DOP1B: variants seen among roughly 807,000 people sequenced by gnomAD.
DOP1B encodes DOP1 leucine zipper like protein B, also known as protein DOP1B.
DOP1B carries 174 observed loss-of-function variants against 233.5 expected under a neutral mutation model. That is an observed-to-expected ratio of 0.75 (90% CI 0.66 to 0.85). The LOEUF is 0.85. DOP1B is among the 40% of genes least tolerant of loss of function. The probability of loss-of-function intolerance (pLI) is 0.00; values close to 1 mark genes in which losing one functional copy is unlikely to be tolerated. For missense variants in DOP1B, 2,652 were observed against 2,846.6 expected (o/e 0.93, Z 1.56); for synonymous variants, 1,190 against 1,185.6 (o/e 1.00, Z -0.08).
Position 36,231,337 on chromosome 21 carries a change from C to T in DOP1B, c.2350+203C>T, listed in dbSNP as rs181231348. ...ATCCAAAATCCAAGAGCTCCAGTGA[C>T]TGTTTCCTTCGAGCATCATGTCAGT... On this transcript the variant is annotated intron_variant, in intron 14 of 36. Transcript: ENST00000691173. Among the ~76,000 whole-genome samples, 147 of 152,320 alleles carry T rather than the reference C, an allele frequency of 9.7e-4. 1 individual carries two copies. Among genetic ancestry groups the T allele is most frequent in the Admixed American group, 3.8e-3 (58 of 15,304 alleles).
chr21:36,253,758 T>G lies in DOP1B; in HGVS notation c.5122-14T>G. ...CTCTATAAGCTTTCAAGGAACTTTT[T>G]TTTTTCTTGGCAGATTATCCCAACG... On this transcript the variant is annotated splice_polypyrimidine_tract_variant and intron_variant, in intron 22 of 36. Coordinates refer to ENST00000691173, the MANE Select transcript of DOP1B (RefSeq NM_001320714.2). 6.2e-7 allele frequency: 1 copy of G among 1,609,020 alleles called. No individual in the cohort carries two copies. The highest frequency in any genetic ancestry group is 8.5e-7 in the Non-Finnish European group (1 of 1,177,508).
intron 2 of DOP1B, among the ~76,000 whole-genome samples, chr21:36,197,694 C>T (rs1016732080): frequency 2.5e-4 from 38 of 152,140 alleles, no homozygotes; most frequent in Admixed American, 2.0e-4. Flanking sequence ...AGGCTGGAGC[C>T]GTGCTTGGGA....
At chr21:36,248,296 A>G in intron 20 of DOP1B, 84 bp from the exon 21 acceptor site, 1 of 1,450,764 alleles carries the variant, frequency 6.9e-7, no homozygotes, top group South Asian at 1.3e-5. Context: ...GCCCAGACCT[A>G]ATCCCGCTAG....
chr21:36,288,806 A>T lies in DOP1B; in HGVS notation c.6348A>T (p.Ser2116=). 2 of 1,613,002 alleles carry T rather than the reference A, an allele frequency of 1.2e-6. No individual in the cohort carries two copies. Among genetic ancestry groups the T allele is most frequent in the Non-Finnish European group, 1.7e-6 (2 of 1,179,134 alleles). ...LEEDLKDEDE[S]LRSTNKVNRT... ...AAGATCTAAAAGATGAAGATGAGTC[A>T]TTGAGGTAAGCAGTACAAGATCTGT... Residue 2116 remains serine, a synonymous_variant, in exon 34 of 37, where the codon TCA becomes TCT. Coordinates refer to ENST00000691173, the MANE Select transcript of DOP1B (RefSeq NM_001320714.2).
rs775099155 is a variant in DOP1B, at chr21:36,281,470, G to A, written c.6032-13G>A. On this transcript the variant is annotated splice_polypyrimidine_tract_variant and intron_variant, in intron 31 of 36. Transcript: ENST00000691173. Reference sequence around the variant, plus strand: ...TTTTCTCACTAAGTAAAACATTGCTGTATTTATTCTAGACATGCAGAGCAG... The same window carrying A: ...TTTTCTCACTAAGTAAAACATTGCTATATTTATTCTAGACATGCAGAGCAG... 1 of 1,580,778 alleles carries A rather than the reference G, an allele frequency of 6.3e-7. No homozygotes were observed. The highest frequency in any genetic ancestry group is 8.7e-7 in the Non-Finnish European group (1 of 1,154,752).
At chr21:36,219,536 G>A (rs371116102) in intron 10 of DOP1B, 44 bp downstream of exon 10, 16 of 1,588,868 alleles carry the variant, frequency 1.0e-5, no homozygotes, top group East Asian at 4.5e-5. Flanking sequence ...CTCCCTCCCC[G>A]GTACTGTGAT....
At position 36,214,451 on chromosome 21, in the gene DOP1B, G is replaced by A. The variant is rs1434694497; in HGVS notation, c.1024G>A (p.Glu342Lys). The A allele has an allele frequency of 1.2e-6, 2 of 1,612,318 alleles. No homozygotes were observed. Among genetic ancestry groups the A allele is most frequent in the Non-Finnish European group, 1.7e-6 (2 of 1,179,616 alleles). Residue 342 changes from glutamate (E) to lysine (K), a missense_variant, in exon 9 of 37, where the codon GAG (glutamate) becomes AAG (lysine). Physicochemically the swap from Glu to Lys is moderately conservative, Grantham distance 56. Around this residue, in one of 3 missense-constraint regions of DOP1B, gnomAD observed 2,617 missense variants for 2,794.3 expected, o/e 0.94. Transcript: ENST00000691173. ...SKDLLVEGLA[E>K]ILHQKFIDAD... ...TTTTTTTAAATAATAGGGTTTGGCTGAGATATTGCATCAGAAGTTCATAGA... is the reference window on the plus strand; with the variant it reads ...TTTTTTTAAATAATAGGGTTTGGCTAAGATATTGCATCAGAAGTTCATAGA...
At chr21:36,160,603 G>T (rs373145889) in intron 1 of DOP1B, among the ~76,000 whole-genome samples, 1 of 149,522 alleles carries the variant, frequency 6.7e-6, no homozygotes, top group Non-Finnish European at 1.5e-5. Flanking sequence ...TCAGCCTCCC[G>T]AGTAGCTGGG....
At position 36,164,680 on chromosome 21, in the gene DOP1B, A is replaced by T. The variant is rs780008063; in HGVS notation, c.-26-28A>T. On this transcript the variant is annotated intron_variant, in intron 1 of 36. Transcript: ENST00000691173. The stretch of plus-strand genomic sequence containing the variant: ...ATTTGTATCCCCAAATGGCTCTCTC[A>T]TTTGGTTATTTTTTGATTTGCTTTT... The T allele has an allele frequency of 1.5e-4, 220 of 1,503,534 alleles. 1 individual carries two copies. In the South Asian group the frequency reaches 2.9e-3, roughly 20 times the overall value. 93.1% of individuals were successfully genotyped at this position (1,503,534 alleles called of 1,614,324 possible). A position where few individuals can be genotyped will look rare whatever the true frequency, so the allele number is the denominator to read the frequency against.
intron 18 of DOP1B, among the ~76,000 whole-genome samples, chr21:36,240,601 T>G (rs2066882688): frequency 6.6e-6 from 1 of 152,212 alleles, no homozygotes; most frequent in Non-Finnish European, 1.5e-5. Context: ...TTAATCAGAT[T>G]ATCAGAAATG....
chr21:36,211,430 G>A (rs2066496945), intron 5 of DOP1B, 123 bp from the exon 6 acceptor site: 1 of 836,406 alleles, frequency 1.2e-6, no homozygotes, highest in Non-Finnish European at 1.9e-6. Flanking sequence ...CCTGACCTGT[G>A]GCTGCTGGTT....
intron 2 of DOP1B, among the ~76,000 whole-genome samples, chr21:36,174,673 T>C (rs2066004804): frequency 6.6e-6 from 1 of 152,164 alleles, no homozygotes. Flanking sequence ...CATGCCTGGC[T>C]AATTTTTGTA....
chr21:36,247,445 T>C, intron 19 of DOP1B, 72 bp from the exon 20 acceptor site: 1 of 1,036,612 alleles, frequency 9.6e-7, no homozygotes, highest in South Asian at 1.7e-5. Context: ...TGTGTTTATA[T>C]ATAGGATTAG....
At chr21:36,189,906 A>C (rs556893093) in intron 2 of DOP1B, among the ~76,000 whole-genome samples, 8 of 150,958 alleles carry the variant, frequency 5.3e-5, no homozygotes, top group African/African-American at 2.0e-4. Context: ...GCTACCTGGG[A>C]GACTGAGGCA....
In DOP1B at chr21:36,229,661, CT is replaced by C. The variant is rs373779563; in HGVS notation, c.1666-771del. ...TACACTATTCTCTGACTTGCTTTACCTTTTTTTTTTTTTTTTTTGAGACAGA... is the reference window on the plus strand; with the variant it reads ...TACACTATTCTCTGACTTGCTTTACCTTTTTTTTTTTTTTTTTGAGACAGA... On this transcript the variant is annotated intron_variant, in intron 13 of 36. Transcript: ENST00000691173. Among the ~76,000 whole-genome samples, 492 of 127,666 alleles carry C rather than the reference CT, an allele frequency of 3.9e-3. 1 individual carries two copies. The highest frequency in any genetic ancestry group is 4.5e-3 in the Non-Finnish European group (280 of 61,928). The allele number at this position is 127,666 out of a possible 152,430, so 83.8% of individuals were successfully genotyped here. A position where few individuals can be genotyped will look rare whatever the true frequency, so the allele number is the denominator to read the frequency against.
chr21:36,258,539 CTT>C (rs34212044), intron 23 of DOP1B, among the ~76,000 whole-genome samples: 1 of 152,012 alleles, frequency 6.6e-6, no homozygotes, highest in African/African-American at 2.4e-5. Context: ...AATCGGAAGA[CTT>C]TTTTTTCAGC....
At chr21:36,271,747 G>A (rs80131701) in intron 27 of DOP1B, among the ~76,000 whole-genome samples, 4,119 of 152,078 alleles carry the variant, frequency 0.027, 226 homozygotes, top group African/African-American at 0.088. Context: ...AACACCCCAA[G>A]ACCATTTACC....
At chr21:36,160,580 C>G (rs1348745540) in intron 1 of DOP1B, among the ~76,000 whole-genome samples, 1 of 148,216 alleles carries the variant, frequency 6.7e-6, no homozygotes, top group Non-Finnish European at 1.5e-5. Context: ...CAGGTTCAAA[C>G]TATTCTCCTG....
intron 18 of DOP1B, among the ~76,000 whole-genome samples, chr21:36,242,398 C>T (rs565964464): frequency 6.6e-6 from 1 of 152,170 alleles, no homozygotes; most frequent in Admixed American, 6.6e-5. Context: ...AGGTCTCTAA[C>T]TCCTGACCTC....
Sources: gnomAD v4.1 joint callset for allele counts (sites outside exome capture counted in the v4.1 genomes callset) on GRCh38, gnomAD v4.1.1 for gene constraint, gnomAD v4.1.1 regional missense constraint, MANE v1.5 for transcripts, NCBI Gene and HGNC (gene_info 2026-07-23, HGNC 2026-07-21) for gene names.